IQSEC1: variants seen among roughly 807,000 people sequenced by gnomAD.
IQSEC1 encodes the protein IQ motif and Sec7 domain ArfGEF 1.
In IQSEC1, 31 loss-of-function variants were observed where a neutral mutation model predicts 91.0. That is an observed-to-expected ratio of 0.34 (90% CI 0.26 to 0.46). The LOEUF (loss-of-function observed/expected upper bound fraction) is 0.46, where lower values mean the gene tolerates loss of function less well. Among genes scored for constraint, IQSEC1 ranks in the 20% least tolerant of loss-of-function variants. The pLI is 1.00. For synonymous variants in IQSEC1, 699 were observed against 662.6 expected (o/e 1.05, Z -0.84); for missense variants, 1,388 against 1,575.6 (o/e 0.88, Z 2.02).
At chr3:13,063,482 A>G (rs1196732855) in intron 1 of IQSEC1, among the ~76,000 whole-genome samples, 1 of 152,220 alleles carries the variant, frequency 6.6e-6, no homozygotes, top group Non-Finnish European at 1.5e-5. Flanking sequence ...TGCTGCGGGC[A>G]CAGGGCAGAG....
chr3:12,907,454 C>T (rs968585544), intron 12 of IQSEC1, among the ~76,000 whole-genome samples: 2 of 152,194 alleles, frequency 1.3e-5, no homozygotes, highest in Admixed American at 1.3e-4. Flanking sequence ...CACTGCAGCC[C>T]CAGGCAGTCC....
At chr3:12,969,780 G>A (rs1022491299) in intron 1 of IQSEC1, among the ~76,000 whole-genome samples, 8 of 152,194 alleles carry the variant, frequency 5.3e-5, no homozygotes, top group South Asian at 2.1e-4. Context: ...ACATTGTCTC[G>A]GCTGGGATTT....
intron 1 of IQSEC1, among the ~76,000 whole-genome samples, chr3:13,045,677 G>A (rs895196146): frequency 6.6e-6 from 1 of 152,226 alleles, no homozygotes; most frequent in African/African-American, 2.4e-5. Flanking sequence ...GGCTGGCCTC[G>A]AGCAGGGCAC....
chr3:13,038,698 T>C (rs969982612), intron 1 of IQSEC1, among the ~76,000 whole-genome samples: 1 of 152,100 alleles, frequency 6.6e-6, no homozygotes, highest in African/African-American at 2.4e-5. Context: ...CTTGAGGGGA[T>C]GGATACCCTC....
chr3:12,978,704 C>CAA (rs10707484), intron 1 of IQSEC1, among the ~76,000 whole-genome samples: 1 of 141,550 alleles, frequency 7.1e-6, no homozygotes, highest in African/African-American at 2.8e-5. Context: ...GGCTCAGTCT[C>CAA]AAAAAAAAAA....
intron 1 of IQSEC1, among the ~76,000 whole-genome samples, chr3:13,049,178 G>C (rs1403486302): frequency 6.6e-6 from 1 of 152,178 alleles, no homozygotes; most frequent in Non-Finnish European, 1.5e-5. Context: ...CCTGGATCTG[G>C]ACAAGAGGAC....
intron 1 of IQSEC1, among the ~76,000 whole-genome samples, chr3:13,200,651 G>C (rs886157067): frequency 2.0e-5 from 3 of 152,226 alleles, no homozygotes; most frequent in Non-Finnish European, 4.4e-5. Context: ...GGGGAAGAAC[G>C]GCTGCTAGCC....
At chr3:13,072,765 C>T (rs902231620) in intron 1 of IQSEC1, among the ~76,000 whole-genome samples, 5 of 152,248 alleles carry the variant, frequency 3.3e-5, no homozygotes, top group African/African-American at 1.2e-4. Context: ...ATTTCACAGC[C>T]TGCTGAAGAC....
At chr3:13,162,579 G>C (rs995947606) in intron 2 of IQSEC1, among the ~76,000 whole-genome samples, 1 of 152,184 alleles carries the variant, frequency 6.6e-6, no homozygotes, top group African/African-American at 2.4e-5. Context: ...CCCTCTGAAG[G>C]GACCATTTTA....
At position 13,103,911 on chromosome 3, in the gene IQSEC1, A is replaced by G. The variant is rs1706104990; in HGVS notation, c.303-56389T>C. On this transcript the variant is annotated intron_variant, in intron 2 of 15. Transcript: ENST00000648114. This position sits in a 1 kb window ranked among gnomAD's most constrained non-coding sequence, Gnocchi z 4.1. ...AAACTTAGGACATTACCTTTGTGCC[A>G]GGTATTCTTCTATTTAATCTTCACG... 6.6e-6 allele frequency among the ~76,000 whole-genome samples: 1 copy of G among 152,190 alleles called. No individual in the cohort carries two copies.
At chr3:13,097,009 C>T (rs1412455406) in intron 2 of IQSEC1, among the ~76,000 whole-genome samples, 2 of 152,242 alleles carry the variant, frequency 1.3e-5, no homozygotes, top group African/African-American at 2.4e-5. Flanking sequence ...TACAGGCGCC[C>T]GCCACCACGC....
At chr3:12,919,344 C>T (rs576710047) in intron 6 of IQSEC1, among the ~76,000 whole-genome samples, 2 of 152,228 alleles carry the variant, frequency 1.3e-5, no homozygotes, top group Non-Finnish European at 2.9e-5. Flanking sequence ...GCCTGCTCAG[C>T]GCCCCTTCCT....
intron 1 of IQSEC1, among the ~76,000 whole-genome samples, chr3:13,226,482 C>T (rs572966475): frequency 1.3e-5 from 2 of 151,948 alleles, no homozygotes; most frequent in Non-Finnish European, 2.9e-5. Context: ...ACCCCCCAGG[C>T]TGGGCAAGGT....
At chr3:13,097,519 G>A (rs1233552237) in intron 2 of IQSEC1, among the ~76,000 whole-genome samples, 2 of 152,154 alleles carry the variant, frequency 1.3e-5, no homozygotes, top group Non-Finnish European at 2.9e-5. Context: ...CTGCCAGCTC[G>A]AGCCTCAGTC....
chr3:13,149,415 G>A (rs1479975671), intron 2 of IQSEC1, among the ~76,000 whole-genome samples: 3 of 151,534 alleles, frequency 2.0e-5, no homozygotes, highest in Admixed American at 6.6e-5. Context: ...TGAGTGTGTC[G>A]TGGGGGCCGG....
chr3:13,007,324 G>A (rs899411992), intron 1 of IQSEC1, among the ~76,000 whole-genome samples: 2 of 152,240 alleles, frequency 1.3e-5, no homozygotes, highest in South Asian at 4.1e-4. Context: ...TCTGTAACTG[G>A]CCTGTCGGCC....
In IQSEC1 at chr3:13,058,692, G is replaced by A. The variant is rs536826559; in HGVS notation, c.23+14300C>T. On this transcript the variant is annotated intron_variant, in intron 1 of 13. Transcript: ENST00000613206. ...GTGCTGGTTTCTGGATAAACAGAGAGCCCAACCTGCCTCCCATCCCTCGCC... is the reference window on the plus strand; with the variant it reads ...GTGCTGGTTTCTGGATAAACAGAGAACCCAACCTGCCTCCCATCCCTCGCC... Among the ~76,000 whole-genome samples, 26 of 152,302 alleles carry A rather than the reference G, an allele frequency of 1.7e-4. No individual in the cohort carries two copies. The East Asian group carries it at 4.6e-3, about 27-fold the overall frequency.
In IQSEC1 at chr3:12,908,524, C is replaced by T. The variant is rs776819752; in HGVS notation, c.2580G>A (p.Ser860=). ...VQEMEKHRIE[S]ELEKQKGVVR... Reference sequence around the variant, plus strand: ...CGACGCCTTTCTGCTTCTCGAGCTCCGCTGGAACAGAGAGGGTGAGGGTCC... The same window carrying T: ...CGACGCCTTTCTGCTTCTCGAGCTCTGCTGGAACAGAGAGGGTGAGGGTCC... The change falls in exon 12 of 14, where the codon TCG becomes TCA. Residue 860 remains serine (S), a splice_region_variant and synonymous_variant. Coordinates refer to ENST00000613206, the MANE Select transcript of IQSEC1 (RefSeq NM_001134382.3). This position sits in a 1 kb window ranked among gnomAD's most constrained non-coding sequence, Gnocchi z 4.9. 7 of 1,613,396 alleles carry T rather than the reference C, an allele frequency of 4.3e-6. No homozygotes were observed. The highest frequency in any genetic ancestry group is 1.7e-5 in the Admixed American group (1 of 60,002).
chr3:13,197,571 G>A, intron 1 of IQSEC1, among the ~76,000 whole-genome samples: 1 of 152,234 alleles, frequency 6.6e-6, no homozygotes, highest in Non-Finnish European at 1.5e-5. Flanking sequence ...CTACGACCAA[G>A]CTGCCCGCCC....
Sources: allele counts gnomAD v4.1 joint callset (sites outside exome capture counted in the v4.1 genomes callset), GRCh38; gene constraint gnomAD v4.1.1; non-coding constraint Gnocchi (gnomAD v3.1); transcripts MANE v1.5; gene names NCBI Gene and HGNC (gene_info 2026-07-23, HGNC 2026-07-21).